PCNX3: variants seen among roughly 807,000 people sequenced by gnomAD.
The protein encoded by PCNX3 is pecanex 3.
A neutral mutation model predicts 207.2 loss-of-function variants in PCNX3; 58 were observed. The ratio of observed to expected loss-of-function variants is 0.28; its 90% confidence interval spans 0.23 to 0.35. PCNX3 has a LOEUF of 0.35. PCNX3 is among the 10% of genes least tolerant of loss of function. The probability of loss-of-function intolerance (pLI) is 1.00; values close to 1 mark genes in which losing one functional copy is unlikely to be tolerated. For missense variants in PCNX3, 2,410 were observed against 2,774.4 expected, an observed-to-expected ratio of 0.87 and a Z score of 2.95; for synonymous variants, 1,337 against 1,183.5, an observed-to-expected ratio of 1.13 and a Z score of -2.66.
Position 65,618,180 on chromosome 11 carries a change from G to C in PCNX3, c.818G>C (p.Arg273Pro). 1.2e-6 allele frequency: 2 copies of C among 1,603,706 alleles called. No individual in the cohort carries two copies. Among genetic ancestry groups the C allele is most frequent in the Non-Finnish European group, 8.5e-7 (1 of 1,174,018 alleles). The change falls in exon 6 of 35, where the codon CGC (arginine) becomes CCC (proline). Residue 273 changes from arginine (R) to proline (P), a missense_variant. This residue lies in a region of PCNX3 where 1,104 missense variants were observed against 970.3 expected (regional missense o/e 1.14). Coordinates refer to ENST00000355703, the MANE Select transcript of PCNX3 (RefSeq NM_032223.4). ...LVRTSSRREQ[R>P]RGAGGYQPLD... ...AGGACCAGCAGTCGACGGGAACAAC[G>C]CAGGGGGGCAGGTGGCTATCAGCCC...
rs763126612 is a variant in PCNX3, at chr11:65,627,548, T to G, written c.3668T>G (p.Leu1223Arg). Residue 1223 changes from leucine (L) to arginine (R), a missense_variant, in exon 22 of 35, where the codon CTT becomes CGT. Leu to Arg is a moderately radical substitution (Grantham distance 102). Transcript: ENST00000355703. The stretch of plus-strand genomic sequence containing the variant: ...CCGCGCCTCTCCCAGGGCTTTCTGC[T>G]TGACTACTTCCTCATGTCCCTGCTT... ...DYPRLSQGFL[L>R]DYFLMSLLCS... The G allele has an allele frequency of 6.2e-7, 1 of 1,613,848 alleles. No homozygotes were observed. The highest frequency in any genetic ancestry group is 1.7e-5 in the Admixed American group (1 of 60,018).
In PCNX3 at chr11:65,624,330, G is replaced by T. The variant is rs1446381106; in HGVS notation, c.2680G>T (p.Ala894Ser). 1.3e-6 allele frequency: 2 copies of T among 1,561,676 alleles called. No individual in the cohort carries two copies. The highest frequency in any genetic ancestry group is 2.4e-5 in the South Asian group (2 of 84,830). The change falls in exon 14 of 35, where the codon GCC becomes TCC. Residue 894 changes from alanine to serine, a missense_variant. Ala to Ser is a moderately conservative substitution (Grantham distance 99). Around this residue, in one of 8 missense-constraint regions of PCNX3, gnomAD observed 177 missense variants for 257.5 expected, o/e 0.69. Coordinates refer to ENST00000355703, the MANE Select transcript of PCNX3 (RefSeq NM_032223.4). ...VSLYGLTLFS[A>S]SFFFCARDVA... ...CCTCTACGGCCTCACGCTCTTCTCT[G>T]CCTCCTTCTTCTTCTGTGCCCGAGA...
At position 65,616,236 on chromosome 11, in the gene PCNX3, G is replaced by C; in HGVS notation, c.-76G>C. 1 of 1,247,334 alleles carries C rather than the reference G, an allele frequency of 8.0e-7. No homozygotes were observed. 77.3% of individuals were successfully genotyped at this position (1,247,334 alleles called of 1,614,324 possible). On this transcript the variant is annotated 5_prime_UTR_variant, in exon 1 of 35. Transcript: ENST00000355703. The stretch of plus-strand genomic sequence containing the variant: ...AGGCCGGGCCCCGGGGCCCTCAGGC[G>C]CCAGACGGGGCATGGGCCGGGGGCC...
chr11:65,616,733 G>T, intron 1 of PCNX3, 91 bp from the exon 2 acceptor site: 2 of 1,411,708 alleles, frequency 1.4e-6, no homozygotes, highest in Non-Finnish European at 1.9e-6. Context: ...TTTCTTGTGA[G>T]TCTGTGAATC....
rs1393910198 is a variant in PCNX3, at chr11:65,629,669, C to T, written c.4150C>T (p.Leu1384=). 1 of 1,578,452 alleles carries T rather than the reference C, an allele frequency of 6.3e-7. No homozygotes were observed. The highest frequency in any genetic ancestry group is 1.3e-5 in the African/African-American group (1 of 74,124). The change falls in exon 26 of 35, where the codon CTG becomes TTG. Residue 1384 remains leucine, a synonymous_variant. Transcript: ENST00000355703. ...FVLASDYLNA[L]VHLIEVGNGL... ...CCTGGCCTCTGACTACCTCAACGCC[C>T]TGGTGCACCTCATCGAGGTTGGCAA...
chr11:65,624,641 G>T (rs903379214), intron 15 of PCNX3, 60 bp downstream of exon 15: 50 of 1,437,672 alleles, frequency 3.5e-5, no homozygotes, highest in Non-Finnish European at 4.1e-5. Context: ...GAGGGCCCTC[G>T]GATTGGGTCC....
At chr11:65,628,766 T>TGTGGGGGGGGGG in intron 23 of PCNX3, 53 bp from the exon 24 acceptor site, 1 of 302,198 alleles carries the variant, frequency 3.3e-6, no homozygotes, top group Non-Finnish European at 5.5e-6. Context: ...CAGTGGGGGG[T>TGTGGGGGGGGGG]GGTGGGGGGC....
chr11:65,633,901 G>T (rs961290508), intron 27 of PCNX3, among the ~76,000 whole-genome samples: 4 of 152,250 alleles, frequency 2.6e-5, no homozygotes, highest in African/African-American at 9.6e-5. Flanking sequence ...AGGACTTCCT[G>T]CTCTGTAAGT....
intron 22 of PCNX3, 40 bp from the exon 23 acceptor site, chr11:65,628,555 C>T: frequency 6.3e-7 from 1 of 1,586,126 alleles, no homozygotes; most frequent in Non-Finnish European, 8.6e-7. Flanking sequence ...CCATGAGTGA[C>T]CCTGCATGTC....
At chr11:65,620,162 T>C (rs1033009634) in intron 8 of PCNX3, among the ~76,000 whole-genome samples, 177 bp from the exon 9 acceptor site, 2 of 152,156 alleles carry the variant, frequency 1.3e-5, no homozygotes, top group African/African-American at 2.4e-5. Flanking sequence ...CTAGGACAGG[T>C]GACTGCCGCG....
rs1014703873 is a variant in PCNX3, at chr11:65,628,581, G to T, written c.3703-14G>T. On this transcript the variant is annotated splice_polypyrimidine_tract_variant and intron_variant, in intron 22 of 34. Transcript: ENST00000355703. ...CCTGCATGTCTTTTTTCTTCTCCCT[G>T]TTGGCCCTGCCAGCTGTGGGACTTG... 5.0e-6 allele frequency: 8 copies of T among 1,611,718 alleles called. No homozygotes were observed. The African/African-American group carries it at 8.0e-5, about 16-fold the overall frequency.
chr11:65,623,295 G>A (rs1205925752), intron 11 of PCNX3, among the ~76,000 whole-genome samples, 196 bp from the exon 12 acceptor site: 4 of 151,530 alleles, frequency 2.6e-5, no homozygotes, highest in Admixed American at 6.5e-5. Context: ...GAAGGAGAGA[G>A]CAATACAATG....
intron 21 of PCNX3, 103 bp downstream of exon 21, chr11:65,627,151 T>A: frequency 7.1e-7 from 1 of 1,414,720 alleles, no homozygotes; most frequent in Non-Finnish European, 9.3e-7. Flanking sequence ...TAAGGTTGTT[T>A]AGCAAGCTAA....
Position 65,624,239 on chromosome 11 carries a change from C to T in PCNX3, c.2589C>T (p.Cys863=), listed in dbSNP as rs778180026. ...CGTACAGCCGTCCTGTCTACTTCTG[C>T]ATCTGCTGTCTGCTCATCTGGCTGC... ...VIAYSRPVYF[C]ICCLLIWLLD... Residue 863 remains cysteine (C), a synonymous_variant, in exon 14 of 35, where the codon TGC becomes TGT. Transcript: ENST00000355703. 3.1e-6 allele frequency: 5 copies of T among 1,607,760 alleles called. No individual in the cohort carries two copies. Among genetic ancestry groups the T allele is most frequent in the African/African-American group, 2.7e-5 (2 of 74,832 alleles).
intron 5 of PCNX3, 89 bp from the exon 6 acceptor site, chr11:65,617,851 G>A (rs989894158): frequency 1.6e-5 from 23 of 1,472,648 alleles, no homozygotes; most frequent in Non-Finnish European, 1.8e-5. Context: ...GGCTCTCAGG[G>A]AAAGTACAGG....
Position 65,618,882 on chromosome 11 carries a change from A to C in PCNX3, c.1520A>C (p.Asp507Ala). 1 of 1,610,418 alleles carries C rather than the reference A, an allele frequency of 6.2e-7. No homozygotes were observed. Among genetic ancestry groups the C allele is most frequent in the Non-Finnish European group, 8.5e-7 (1 of 1,179,016 alleles). ...ACACATGCCCGTGTGCTGAGCATGG[A>C]TGGGGCTGGGGGTGATGTTCTGAGG... ...AKTHARVLSMDGAGGDVLRPP... is the reference protein window; with the variant it reads ...AKTHARVLSMAGAGGDVLRPP... Residue 507 changes from aspartate to alanine, a missense_variant, in exon 6 of 35, where the codon GAT becomes GCT. Around this residue, in one of 8 missense-constraint regions of PCNX3, gnomAD observed 1,104 missense variants for 970.3 expected, o/e 1.14. Coordinates refer to ENST00000355703, the MANE Select transcript of PCNX3 (RefSeq NM_032223.4).
Position 65,636,551 on chromosome 11 carries a change from C to G in PCNX3, c.5754C>G (p.Thr1918=), listed in dbSNP as rs781299536. 7 of 1,595,038 alleles carry G rather than the reference C, an allele frequency of 4.4e-6. No individual in the cohort carries two copies. The Admixed American group carries it at 7.3e-5, about 17-fold the overall frequency. ...ASPIPTEGPR[T]SRPPGPGLLS... is the part of the protein sequence containing the mutation. ...CTATCCCCACAGAGGGTCCCCGGAC[C>G]TCACGGCCCCCTGGCCCGGGTCTCC... The change falls in exon 34 of 35, where the codon ACC becomes ACG. Residue 1918 remains threonine, a synonymous_variant. Transcript: ENST00000355703.
At position 65,620,404 on chromosome 11, in the gene PCNX3, G is replaced by A. The variant is rs1024561352; in HGVS notation, c.2074G>A (p.Gly692Arg). The A allele has an allele frequency of 6.2e-7, 1 of 1,613,306 alleles. No homozygotes were observed. The highest frequency in any genetic ancestry group is 1.3e-5 in the African/African-American group (1 of 75,038). The change falls in exon 9 of 35, where the codon GGG becomes AGG. Residue 692 changes from glycine to arginine, a missense_variant. By Grantham distance (125) the Gly-to-Arg change is moderately radical. This residue lies in a region of PCNX3 where 1,104 missense variants were observed against 970.3 expected (regional missense o/e 1.14). Coordinates refer to ENST00000355703, the MANE Select transcript of PCNX3 (RefSeq NM_032223.4). The part of the protein sequence containing the change: ...GGYENPVGQQ[G>R]EQTANGAWDR... Reference sequence around the variant, plus strand: ...CTACGAGAACCCTGTAGGGCAGCAAGGGGAGCAGACAGCTAATGGAGCCTG... The same window carrying A: ...CTACGAGAACCCTGTAGGGCAGCAAAGGGAGCAGACAGCTAATGGAGCCTG...
chr11:65,631,939 A>T lies in PCNX3; in HGVS notation c.4470+1335A>T, dbSNP rs1855632315. Reference sequence around the variant, plus strand: ...CATTTGTCATTCCTTCTGCCCTCCCAGCCACTCCTAGGCAAGGATTTGTGA... The same window carrying T: ...CATTTGTCATTCCTTCTGCCCTCCCTGCCACTCCTAGGCAAGGATTTGTGA... On this transcript the variant is annotated intron_variant, in intron 27 of 34. Coordinates refer to ENST00000355703, the MANE Select transcript of PCNX3 (RefSeq NM_032223.4). Among the ~76,000 whole-genome samples the T allele has an allele frequency of 2.0e-5, 3 of 151,958 alleles. No individual in the cohort carries two copies. The South Asian group carries it at 6.2e-4, about 32-fold the overall frequency.
Sources: allele counts gnomAD v4.1 joint callset (sites outside exome capture counted in the v4.1 genomes callset), GRCh38; gene constraint gnomAD v4.1.1; regional missense constraint gnomAD v4.1.1; transcripts MANE v1.5; gene names NCBI Gene and HGNC (gene_info 2026-07-23, HGNC 2026-07-21).